Variants in ADCY9 observed in about 807,000 individuals in gnomAD.
ADCY9 encodes adenylate cyclase type 9.
In ADCY9, 50 loss-of-function variants were observed where a neutral mutation model predicts 101.5. The observed-to-expected ratio is 0.49, with a 90% confidence interval of 0.39 to 0.62. The LOEUF is 0.62. ADCY9 is among the 20% of genes least tolerant of loss of function. The pLI is 0.00. For missense variants in ADCY9, 1,662 were observed against 1,800.4 expected (o/e 0.92, Z 1.39); for synonymous variants, 905 against 769.3 (o/e 1.18, Z -2.92).
At chr16:4,017,775 T>C (rs1411348386) in intron 2 of ADCY9, among the ~76,000 whole-genome samples, 3 of 151,538 alleles carry the variant, frequency 2.0e-5, no homozygotes, top group Admixed American at 1.3e-4. Flanking sequence ...AGAGATTAAA[T>C]AAAACAAAAC....
chr16:4,066,880 G>A (rs2056804213), intron 2 of ADCY9, among the ~76,000 whole-genome samples: 4 of 152,130 alleles, frequency 2.6e-5, no homozygotes, highest in South Asian at 2.1e-4. Flanking sequence ...TCATCCCAAC[G>A]TTTTCATTTA....
chr16:4,065,193 C>A (rs559157294), intron 2 of ADCY9, among the ~76,000 whole-genome samples: 42 of 152,264 alleles, frequency 2.8e-4, no homozygotes, highest in African/African-American at 1.0e-3. Context: ...TAGATCTGAA[C>A]TGAGTACAAA....
At chr16:3,994,489 C>G (rs746503885) in intron 3 of ADCY9, among the ~76,000 whole-genome samples, 31 of 152,294 alleles carry the variant, frequency 2.0e-4, no homozygotes, top group Middle Eastern at 6.8e-3. Flanking sequence ...GAGTTTCACT[C>G]TTGTCACCCA....
intron 2 of ADCY9, among the ~76,000 whole-genome samples, chr16:4,031,221 G>T (rs1183408983): frequency 2.0e-5 from 3 of 152,148 alleles, no homozygotes; most frequent in Non-Finnish European, 4.4e-5. Flanking sequence ...AATTTGTTTT[G>T]TCTGTACAGG....
intron 2 of ADCY9, among the ~76,000 whole-genome samples, chr16:4,069,362 T>C (rs1461782570): frequency 6.6e-6 from 1 of 151,784 alleles, no homozygotes; most frequent in Admixed American, 6.6e-5. Flanking sequence ...AGTAATTTAA[T>C]ATCCCGGTTC....
At position 3,992,029 on chromosome 16, in the gene ADCY9, C is replaced by T. The variant is rs532551494; in HGVS notation, c.2207+117G>A. 6.0e-6 allele frequency: 6 copies of T among 993,598 alleles called. No homozygotes were observed. Among genetic ancestry groups the T allele is most frequent in the Middle Eastern group, 6.5e-4 (2 of 3,090 alleles). The allele number at this position is 993,598 out of a possible 1,614,324, so 61.5% of individuals were successfully genotyped here. ...GAGGCTGCAGTGAGCCAAGATCGCG[C>T]CACTGCACTGCAGCCTGGATGACAG... On this transcript the variant is annotated intron_variant, in intron 5 of 10. Coordinates refer to ENST00000294016, the MANE Select transcript of ADCY9 (RefSeq NM_001116.4). This position sits in a 1 kb window ranked among gnomAD's most constrained non-coding sequence, Gnocchi z 4.2.
intron 9 of ADCY9, among the ~76,000 whole-genome samples, chr16:3,976,227 G>A (rs1267898793): frequency 6.6e-6 from 1 of 152,094 alleles, no homozygotes; most frequent in Non-Finnish European, 1.5e-5. Flanking sequence ...CCTGAGCTCA[G>A]ACAATCCACC....
At chr16:3,961,174 G>A (rs901656473), downstream of ADCY9, among the ~76,000 whole-genome samples, 1 of 152,134 alleles carries the variant, frequency 6.6e-6, no homozygotes, top group East Asian at 1.9e-4. Flanking sequence ...CTGGCTGGGC[G>A]CGGTGGCTCA....
chr16:4,081,671 G>A (rs2056903157), intron 2 of ADCY9, among the ~76,000 whole-genome samples: 1 of 152,018 alleles, frequency 6.6e-6, no homozygotes, highest in South Asian at 2.1e-4. Context: ...CAACATCACA[G>A]CACATGCGGG....
downstream of ADCY9, among the ~76,000 whole-genome samples, chr16:3,961,813 G>C (rs2055940479): frequency 6.6e-6 from 1 of 152,028 alleles, no homozygotes; most frequent in Non-Finnish European, 1.5e-5. Flanking sequence ...ATCACTTGAG[G>C]CCAGGAGTTC....
chr16:4,073,238 G>A (rs146937826), intron 2 of ADCY9, among the ~76,000 whole-genome samples: 1 of 151,382 alleles, frequency 6.6e-6, no homozygotes, highest in African/African-American at 2.4e-5. Context: ...GGAACTACAG[G>A]CATGCGCCAC....
At chr16:4,023,646 T>C (rs970604349) in intron 2 of ADCY9, among the ~76,000 whole-genome samples, 21 of 152,094 alleles carry the variant, frequency 1.4e-4, no homozygotes, top group Non-Finnish European at 2.4e-4. Context: ...GGTGCAGTGA[T>C]TCACACCTGT....
intron 2 of ADCY9, among the ~76,000 whole-genome samples, chr16:4,108,862 C>G: frequency 6.6e-6 from 1 of 151,904 alleles, no homozygotes. Context: ...CCTGCCACCA[C>G]ACCTGGTTAA....
At chr16:4,091,274 C>G (rs996646076) in intron 2 of ADCY9, among the ~76,000 whole-genome samples, 3 of 152,088 alleles carry the variant, frequency 2.0e-5, no homozygotes, top group African/African-American at 7.2e-5. Flanking sequence ...GGGTTTCACC[C>G]TGTTGGCCAG....
At chr16:4,039,073 T>C (rs2531961) in intron 2 of ADCY9, among the ~76,000 whole-genome samples, 118,949 of 152,102 alleles carry the variant, frequency 0.78, 48,719 homozygotes, top group East Asian at 0.96. Flanking sequence ...CTTACACGCA[T>C]TACCCTCACA....
rs536722746 is a variant in ADCY9, at chr16:3,980,683, T to C, written c.2520-1408A>G. Among the ~76,000 whole-genome samples, 36 of 152,314 alleles carry C rather than the reference T, an allele frequency of 2.4e-4. 1 individual carries two copies. The highest frequency in any genetic ancestry group is 6.8e-3 in the Middle Eastern group (2 of 294). ...ATGGACGCAGGCACAGCCTCACCCT[T>C]TTAGGGTCCTGGACAGCCCTGGCTT... On this transcript the variant is annotated intron_variant, in intron 7 of 10. Transcript: ENST00000294016.
At chr16:4,049,620 G>T (rs2056687872) in intron 2 of ADCY9, among the ~76,000 whole-genome samples, 1 of 152,056 alleles carries the variant, frequency 6.6e-6, no homozygotes, top group African/African-American at 2.4e-5. Context: ...GACCCTCTGA[G>T]TCAAAAACAC....
At chr16:4,105,954 C>T (rs904578749) in intron 2 of ADCY9, among the ~76,000 whole-genome samples, 1 of 152,186 alleles carries the variant, frequency 6.6e-6, no homozygotes, top group Non-Finnish European at 1.5e-5. Flanking sequence ...GCATTTCACC[C>T]TGTTTCCCAG....
At chr16:3,954,991 G>A (rs2055900109) in intron 5 of ADCY9, among the ~76,000 whole-genome samples, 2 of 152,142 alleles carry the variant, frequency 1.3e-5, no homozygotes, top group South Asian at 4.1e-4. Flanking sequence ...CATTCTGCCA[G>A]TATAACAGAC....
Sources: allele counts gnomAD v4.1 joint callset (sites outside exome capture counted in the v4.1 genomes callset), GRCh38; gene constraint gnomAD v4.1.1; non-coding constraint Gnocchi (gnomAD v3.1); transcripts MANE v1.5; gene names NCBI Gene and HGNC (gene_info 2026-07-23, HGNC 2026-07-21).